The following FGF14 variants were observed in gnomAD, a reference collection of about 807,000 sequenced individuals.
FGF14 encodes the protein fibroblast growth factor 14.
Under a neutral mutation model 25.5 loss-of-function variants are expected in FGF14, and 5 were observed. The ratio of observed to expected loss-of-function variants is 0.20; its 90% CI spans 0.10 to 0.41. FGF14 has a LOEUF of 0.41. Among genes scored for constraint, FGF14 ranks in the 10% least tolerant of loss-of-function variants. The pLI, the probability that FGF14 is intolerant of heterozygous loss-of-function variation, is 1.00. For missense variants in FGF14, 222 were observed against 320.1 expected (o/e 0.69, Z 2.34); for synonymous variants, 138 against 118.3 (o/e 1.17, Z -1.08).
intron 1 of FGF14, among the ~76,000 whole-genome samples, chr13:102,362,772 T>C (rs2057603215): frequency 6.6e-6 from 1 of 151,926 alleles, no homozygotes; most frequent in African/African-American, 2.4e-5. Flanking sequence ...AAGAATTTTA[T>C]TTTGGTATTC....
At chr13:102,195,622 G>A (rs1411142932) in intron 1 of FGF14, among the ~76,000 whole-genome samples, 1 of 151,686 alleles carries the variant, frequency 6.6e-6, no homozygotes, top group African/African-American at 2.4e-5. Flanking sequence ...CATGTGCCTG[G>A]ACAACATGGT....
chr13:102,318,261 C>T (rs543153502), intron 1 of FGF14, among the ~76,000 whole-genome samples: 2 of 152,142 alleles, frequency 1.3e-5, no homozygotes, highest in East Asian at 1.9e-4. Context: ...ATAGGGAGTG[C>T]CCTGGGTGCC....
In FGF14 at chr13:101,744,341, T is replaced by G. The variant is rs2036746181; in HGVS notation, c.409-17531A>C. 2.6e-5 allele frequency among the ~76,000 whole-genome samples: 4 copies of G among 152,078 alleles called. No homozygotes were observed. In the South Asian group the frequency reaches 8.3e-4, roughly 31 times the overall value. On this transcript the variant is annotated intron_variant, in intron 3 of 4. Coordinates refer to ENST00000376143, the MANE Select transcript of FGF14 (RefSeq NM_004115.4). ...CTGCTACATGTATGTCATACAACTC[T>G]CGGGGACAAAGTCACAATTCCTGAC...
At chr13:101,950,973 C>A (rs746284068) in intron 1 of FGF14, among the ~76,000 whole-genome samples, 3 of 152,080 alleles carry the variant, frequency 2.0e-5, no homozygotes, top group Non-Finnish European at 4.4e-5. Context: ...GTACGTAAAA[C>A]TACTAGTAGC....
At chr13:101,878,762 CTT>C (rs2138775180) in intron 1 of FGF14, among the ~76,000 whole-genome samples, 1 of 152,060 alleles carries the variant, frequency 6.6e-6, no homozygotes, top group African/African-American at 2.4e-5. Flanking sequence ...AAAAATGAAA[CTT>C]CATCCTAAAT....
At chr13:102,333,651 C>T (rs2056701751) in intron 1 of FGF14, among the ~76,000 whole-genome samples, 1 of 152,108 alleles carries the variant, frequency 6.6e-6, no homozygotes, top group Non-Finnish European at 1.5e-5. Context: ...CAGCTGTCAA[C>T]CAATTACCAA....
In FGF14 at chr13:101,720,481, C is replaced by T. The variant is rs749814694; in HGVS notation, c.*2350G>A. 2 of 151,390 alleles carry T rather than the reference C, an allele frequency of 1.3e-5. No homozygotes were observed. Among genetic ancestry groups the T allele is most frequent in the Non-Finnish European group, 2.9e-5 (2 of 67,902 alleles). The allele number at this position is 151,390 out of a possible 1,614,324, so 9.4% of individuals were successfully genotyped here. On this transcript the variant is annotated 3_prime_UTR_variant, in exon 5 of 5. Coordinates refer to ENST00000376143, the MANE Select transcript of FGF14 (RefSeq NM_004115.4). The stretch of plus-strand genomic sequence containing the variant: ...AACAGACTTGCAGGGGAAAAAGAAA[C>T]CAGCAAGTAGGGCTAATTATCAGTA...
chr13:101,727,341 G>A (rs535704009), intron 3 of FGF14, among the ~76,000 whole-genome samples: 2 of 152,220 alleles, frequency 1.3e-5, no homozygotes, highest in Non-Finnish European at 2.9e-5. Context: ...TTACTTGCCA[G>A]CCACTAGAGC....
chr13:101,728,376 T>A (rs1310321843), intron 3 of FGF14, among the ~76,000 whole-genome samples: 2 of 152,110 alleles, frequency 1.3e-5, no homozygotes, highest in Non-Finnish European at 2.9e-5. Flanking sequence ...TAGAATAAGA[T>A]CCCATCCAAA....
intron 3 of FGF14, among the ~76,000 whole-genome samples, chr13:101,845,959 C>G (rs992531324): frequency 6.6e-6 from 1 of 151,906 alleles, no homozygotes; most frequent in African/African-American, 2.4e-5. Context: ...AATAATCTGG[C>G]CAACATGCAA....
At chr13:101,918,998 T>C (rs1813192804), upstream of FGF14, among the ~76,000 whole-genome samples, 6 of 152,240 alleles carry the variant, frequency 3.9e-5, no homozygotes, top group Admixed American at 3.9e-4. Flanking sequence ...ATTATTTTGC[T>C]CTGCCTTTCC....
chr13:102,263,657 T>C (rs2052834539), intron 1 of FGF14, among the ~76,000 whole-genome samples: 1 of 152,200 alleles, frequency 6.6e-6, no homozygotes, highest in Admixed American at 6.5e-5. Context: ...AAATAATAAA[T>C]GTTAGCACAG....
intron 1 of FGF14, among the ~76,000 whole-genome samples, chr13:102,191,142 T>C (rs888259391): frequency 6.6e-6 from 1 of 152,186 alleles, no homozygotes; most frequent in Non-Finnish European, 1.5e-5. Flanking sequence ...AGATAACTCC[T>C]TGTAAACAAC....
At chr13:102,262,938 A>G in intron 1 of FGF14, 1 of 407,812 alleles carries the variant, frequency 2.5e-6, no homozygotes. Flanking sequence ...CCAACAAAAC[A>G]TGTCCAACTC....
At chr13:101,774,042 AC>A (rs907027613) in intron 3 of FGF14, among the ~76,000 whole-genome samples, 7 of 151,938 alleles carry the variant, frequency 4.6e-5, no homozygotes, top group African/African-American at 1.7e-4. Context: ...AAAATTAAGA[AC>A]CTACAGTTGT....
intron 3 of FGF14, among the ~76,000 whole-genome samples, chr13:101,842,081 C>T (rs1421095008): frequency 1.3e-5 from 2 of 151,902 alleles, no homozygotes; most frequent in Non-Finnish European, 2.9e-5. Context: ...ATTTATTGCT[C>T]ATTTGGTGTG....
rs1185989283 is a variant in FGF14 at position 101,716,626 on chromosome 13, A to G, written c.*6205T>C. 4 of 152,206 alleles carry G rather than the reference A, an allele frequency of 2.6e-5. No homozygotes were observed. The highest frequency in any genetic ancestry group is 7.2e-5 in the African/African-American group (3 of 41,548). 9.4% of individuals were successfully genotyped at this position (152,206 alleles called of 1,614,324 possible). A position where few individuals can be genotyped will look rare whatever the true frequency, so the allele number is the denominator to read the frequency against. On this transcript the variant is annotated 3_prime_UTR_variant, in exon 5 of 5. Transcript: ENST00000376143. ...GGTAGTGTGGCCTTTTAAAAAGACA[A>G]TATTGAGTTACATATAAAATGGGCC...
At position 102,282,854 on chromosome 13, in the gene FGF14, TA is replaced by T. The variant is rs764944154; in HGVS notation, c.208+118616del. ...TAAAAGTTCTGAGAAGTCATGCAAT[TA>T]AAAAAAAAAAAAAACCTCTCTAGCT... On this transcript the variant is annotated intron_variant, in intron 1 of 4. Coordinates refer to the FGF14 transcript ENST00000376131. Among the ~76,000 whole-genome samples, 1,002 of 138,348 alleles carry T rather than the reference TA, an allele frequency of 7.2e-3. 3 individuals carry two copies. The highest frequency in any genetic ancestry group is 0.01 in the Admixed American group (140 of 13,810). The allele number at this position is 138,348 out of a possible 152,430, so 90.8% of individuals were successfully genotyped here. A position where few individuals can be genotyped will look rare whatever the true frequency, so the allele number is the denominator to read the frequency against.
intron 1 of FGF14, among the ~76,000 whole-genome samples, chr13:102,253,936 C>T (rs1287008124): frequency 6.6e-6 from 1 of 152,220 alleles, no homozygotes; most frequent in Non-Finnish European, 1.5e-5. Flanking sequence ...ACACAAGTCT[C>T]TTTCTTGTCC....
Sources: allele counts gnomAD v4.1 joint callset (sites outside exome capture counted in the v4.1 genomes callset), GRCh38; gene constraint gnomAD v4.1.1; transcripts MANE v1.5; gene names NCBI Gene and HGNC (gene_info 2026-07-23, HGNC 2026-07-21).